KCNMA1: variants seen among roughly 807,000 people sequenced by gnomAD.
KCNMA1 encodes Calcium-activated potassium channel subunit alpha-1.
Under a neutral mutation model 140.0 loss-of-function variants are expected in KCNMA1, and 29 were observed. The ratio of observed to expected loss-of-function variants is 0.21; its 90% CI spans 0.15 to 0.28. The LOEUF (loss-of-function observed/expected upper bound fraction) is 0.28. KCNMA1 is among the 10% of genes least tolerant of loss of function. KCNMA1 has a pLI of 1.00. For missense variants in KCNMA1, 880 were observed against 1,602.2 expected (o/e 0.55, Z 7.70); for synonymous variants, 612 against 611.9 (o/e 1.00, Z 0.00).
chr10:77,432,667 G>T (rs1315660802), intron 1 of KCNMA1, among the ~76,000 whole-genome samples: 2 of 152,064 alleles, frequency 1.3e-5, no homozygotes, highest in African/African-American at 4.8e-5. Flanking sequence ...GATCTCAAAG[G>T]TCCCCATTTT....
At chr10:77,314,243 T>G (rs2080151240) in intron 2 of KCNMA1, 1 of 152,154 alleles carries the variant, frequency 6.6e-6, no homozygotes, top group African/African-American at 2.4e-5. Flanking sequence ...TTCACTGCCC[T>G]CAGAGGCCAC....
chr10:76,948,523 C>T lies in KCNMA1; in HGVS notation c.2709+619G>A, dbSNP rs141282916. Among the ~76,000 whole-genome samples, 403 of 152,214 alleles carry T rather than the reference C, an allele frequency of 2.6e-3. 1 individual carries two copies. The highest frequency in any genetic ancestry group is 9.2e-3 in the African/African-American group (380 of 41,518). On this transcript the variant is annotated intron_variant, in intron 22 of 27. Coordinates refer to ENST00000286628, the MANE Select transcript of KCNMA1 (RefSeq NM_001161352.2). ...ATATCCTCACACTAAATTGTGGAGT[C>T]CCAGACTGTTTTTTCAGACTGAAGT...
intron 1 of KCNMA1, among the ~76,000 whole-genome samples, chr10:77,432,882 G>A (rs2097181837): frequency 6.6e-6 from 1 of 152,130 alleles, no homozygotes; most frequent in Non-Finnish European, 1.5e-5. Context: ...AAGAAGGAGA[G>A]GGTCATGAAT....
chr10:77,581,024 C>T (rs533394644), intron 1 of KCNMA1, among the ~76,000 whole-genome samples: 300 of 152,328 alleles, frequency 2.0e-3, no homozygotes, highest in African/African-American at 5.9e-3. Flanking sequence ...GGGAAGAATC[C>T]ATGCTTGGCT....
chr10:77,028,608 T>A (rs2093676663), intron 15 of KCNMA1, among the ~76,000 whole-genome samples: 4 of 152,182 alleles, frequency 2.6e-5, no homozygotes, highest in Admixed American at 2.6e-4. Flanking sequence ...ACTGCTACCC[T>A]GTGATTTTCT....
Position 76,885,471 on chromosome 10 carries a change from A to G in KCNMA1, c.*1795T>C, listed in dbSNP as rs1380300787. 10 of 985,106 alleles carry G rather than the reference A, an allele frequency of 1.0e-5. No individual in the cohort carries two copies. Among genetic ancestry groups the G allele is most frequent in the Non-Finnish European group, 1.2e-5 (10 of 829,922 alleles). The allele number at this position is 985,106 out of a possible 1,614,324, so 61.0% of individuals were successfully genotyped here. ...CTGAGCCTCACCATTTGTCAGTAAAAGTGCTTGTCAATTCACACAGCAAGC... is the reference window on the plus strand; with the variant it reads ...CTGAGCCTCACCATTTGTCAGTAAAGGTGCTTGTCAATTCACACAGCAAGC... On this transcript the variant is annotated 3_prime_UTR_variant, in exon 28 of 28. Coordinates refer to ENST00000286628, the MANE Select transcript of KCNMA1 (RefSeq NM_001161352.2).
At chr10:77,190,325 C>T (rs890041982) in intron 3 of KCNMA1, among the ~76,000 whole-genome samples, 4 of 152,162 alleles carry the variant, frequency 2.6e-5, no homozygotes, top group Non-Finnish European at 4.4e-5. Context: ...ATTTGGTCCT[C>T]ACAAAATGGC....
intron 2 of KCNMA1, among the ~76,000 whole-genome samples, chr10:77,337,806 A>G (rs2154372535): frequency 6.6e-6 from 1 of 152,344 alleles, no homozygotes; most frequent in South Asian, 2.1e-4. Context: ...ACACTGGCCA[A>G]TGAAACATCA....
chr10:77,562,539 C>G (rs1328463244), intron 1 of KCNMA1, among the ~76,000 whole-genome samples: 2 of 152,288 alleles, frequency 1.3e-5, no homozygotes, highest in Middle Eastern at 3.4e-3. Context: ...AAGTCTACTA[C>G]CACAGTCAAG....
intron 1 of KCNMA1, among the ~76,000 whole-genome samples, chr10:77,478,106 TTA>T (rs1444774090): frequency 1.3e-5 from 2 of 152,252 alleles, no homozygotes; most frequent in African/African-American, 2.4e-5. Context: ...TTCTCTGAGT[TTA>T]TTATGAGCTT....
chr10:77,421,396 T>G (rs1218839410), intron 1 of KCNMA1, among the ~76,000 whole-genome samples: 1 of 152,212 alleles, frequency 6.6e-6, no homozygotes, highest in Non-Finnish European at 1.5e-5. Context: ...CTCAAGGCAT[T>G]TGCAAGTACT....
At chr10:77,003,917 G>C (rs145099312) in intron 18 of KCNMA1, among the ~76,000 whole-genome samples, 11 of 152,284 alleles carry the variant, frequency 7.2e-5, no homozygotes, top group African/African-American at 2.6e-4. Context: ...AGGAAACACA[G>C]TGACAAACCA....
intron 2 of KCNMA1, among the ~76,000 whole-genome samples, chr10:77,255,272 C>A (rs1184615112): frequency 6.6e-6 from 1 of 152,106 alleles, no homozygotes; most frequent in Admixed American, 6.5e-5. Flanking sequence ...TGTGTTTGCA[C>A]AAAAGAATGC....
At chr10:77,501,414 C>T (rs1453055228) in intron 1 of KCNMA1, among the ~76,000 whole-genome samples, 3 of 152,204 alleles carry the variant, frequency 2.0e-5, no homozygotes, top group African/African-American at 7.2e-5. Context: ...TGTGCATGTG[C>T]CTGAGGAGGA....
chr10:77,303,648 C>T (rs1023655448), intron 2 of KCNMA1, among the ~76,000 whole-genome samples: 1 of 152,170 alleles, frequency 6.6e-6, no homozygotes, highest in Non-Finnish European at 1.5e-5. Flanking sequence ...CAGTCCCTCC[C>T]ATGCTGTGCT....
chr10:77,089,474 G>A (rs1011345647), intron 10 of KCNMA1, among the ~76,000 whole-genome samples: 1 of 152,006 alleles, frequency 6.6e-6, no homozygotes, highest in Admixed American at 6.6e-5. Context: ...CCATTCCTGG[G>A]GCAGACTACC....
intron 5 of KCNMA1, among the ~76,000 whole-genome samples, chr10:77,123,145 A>AGATCGCG: frequency 7.6e-6 from 1 of 131,440 alleles, no homozygotes; most frequent in African/African-American, 2.9e-5. Context: ...GCGCCACTGC[A>AGATCGCG]CTCCAGCCTG....
intron 1 of KCNMA1, among the ~76,000 whole-genome samples, chr10:77,541,172 T>C (rs1379536607): frequency 6.6e-6 from 1 of 151,904 alleles, no homozygotes; most frequent in African/African-American, 2.4e-5. Context: ...AACTCACATA[T>C]TGTATCAGTG....
chr10:77,564,732 A>T lies in KCNMA1; in HGVS notation c.378+72533T>A, dbSNP rs528222558. On this transcript the variant is annotated intron_variant, in intron 1 of 27. Transcript: ENST00000286628. Reference sequence around the variant, plus strand: ...TCTAGGTGAAAGAAAGAATGAATGGAGCCTTGAACTAACCAGGAACTCAAC... The same window carrying T: ...TCTAGGTGAAAGAAAGAATGAATGGTGCCTTGAACTAACCAGGAACTCAAC... Among the ~76,000 whole-genome samples, 6 of 152,270 alleles carry T rather than the reference A, an allele frequency of 3.9e-5. No individual in the cohort carries two copies. In the South Asian group the frequency reaches 6.2e-4, roughly 16 times the overall value.
Sources: gnomAD v4.1 joint callset for allele counts (sites outside exome capture counted in the v4.1 genomes callset) on GRCh38, gnomAD v4.1.1 for gene constraint, MANE v1.5 for transcripts, NCBI Gene and HGNC (gene_info 2026-07-23, HGNC 2026-07-21) for gene names.